The following HIVEP3 variants were observed in gnomAD, a reference collection of about 807,000 sequenced individuals.
The protein encoded by HIVEP3 is transcription factor HIVEP3.
HIVEP3 carries 49 observed loss-of-function variants against 152.8 expected under a neutral mutation model. That is an observed-to-expected ratio of 0.32 (90% CI 0.26 to 0.41). The LOEUF is 0.41. Among genes scored for constraint, HIVEP3 ranks in the 10% least tolerant of loss-of-function variants. The pLI is 1.00. For synonymous variants in HIVEP3, 1,269 were observed against 1,289.0 expected (o/e 0.98, Z 0.33); for missense variants, 2,790 against 3,103.3 (o/e 0.90, Z 2.40).
rs1448809292 is a variant in HIVEP3 at position 41,506,750 on chromosome 1, T to A, written c.*3701A>T. On this transcript the variant is annotated 3_prime_UTR_variant, in exon 9 of 9. Transcript: ENST00000372583. ...TTGCTGTACATATCTACAGTACAAT[T>A]TTTGGAATGTATTGCCATTTAAGAA... The A allele has an allele frequency of 6.6e-6, 1 of 152,146 alleles. No homozygotes were observed. The highest frequency in any genetic ancestry group is 2.4e-5 in the African/African-American group (1 of 41,426). The allele number at this position is 152,146 out of a possible 1,614,324, so 9.4% of individuals were successfully genotyped here.
At chr1:41,759,483 A>T (rs141906493) in intron 1 of HIVEP3, among the ~76,000 whole-genome samples, 187 of 152,306 alleles carry the variant, frequency 1.2e-3, no homozygotes, top group African/African-American at 4.2e-3. Context: ...TGATATTGTG[A>T]ATAGTGCAGA....
At chr1:41,599,191 T>A (rs1644710443) in intron 3 of HIVEP3, among the ~76,000 whole-genome samples, 1 of 152,200 alleles carries the variant, frequency 6.6e-6, no homozygotes, top group Admixed American at 6.5e-5. Context: ...GCGCTAAAGC[T>A]ATTGGATATC....
rs1644111839 is a variant in HIVEP3, at chr1:41,873,159, C to T, written c.-801+45254G>A. On this transcript the variant is annotated intron_variant, in intron 1 of 8. Transcript: ENST00000372583. The surrounding 1 kb of genome is among the most constrained non-coding windows in gnomAD (Gnocchi z 4.2). ...TGCTCAGGACTGCTCTAGCCAGATG[C>T]CTCCCCTGGTGTTTACTTCACCCAC... 6.6e-6 allele frequency among the ~76,000 whole-genome samples: 1 copy of T among 152,198 alleles called. No homozygotes were observed. The highest frequency in any genetic ancestry group is 2.1e-4 in the South Asian group (1 of 4,828).
intron 1 of HIVEP3, among the ~76,000 whole-genome samples, chr1:41,805,330 C>G (rs529359218): frequency 1.3e-5 from 2 of 152,324 alleles, no homozygotes; most frequent in East Asian, 3.9e-4. Flanking sequence ...GAGTAAGACT[C>G]CCTCTCAAGA....
chr1:41,654,244 C>T (rs1437599571), intron 2 of HIVEP3, among the ~76,000 whole-genome samples: 1 of 152,170 alleles, frequency 6.6e-6, no homozygotes, highest in Non-Finnish European at 1.5e-5. Flanking sequence ...CACGTGGGGG[C>T]AGTCCCTGGG....
At chr1:41,859,651 T>C (rs1308585254) in intron 1 of HIVEP3, among the ~76,000 whole-genome samples, 1 of 152,220 alleles carries the variant, frequency 6.6e-6, no homozygotes, top group Non-Finnish European at 1.5e-5. Context: ...TGCCAAATAG[T>C]CTTTAAGAAA....
intron 1 of HIVEP3, among the ~76,000 whole-genome samples, chr1:42,033,636 G>A (rs762384155): frequency 2.9e-4 from 44 of 152,246 alleles, no homozygotes; most frequent in Non-Finnish European, 5.4e-4. Flanking sequence ...TGAAAGGGAA[G>A]GAGATAAGGT....
chr1:42,005,485 T>G (rs1459237210), intron 1 of HIVEP3, among the ~76,000 whole-genome samples: 1 of 152,078 alleles, frequency 6.6e-6, no homozygotes, highest in African/African-American at 2.4e-5. Flanking sequence ...GTCAGGCAAA[T>G]TCCAGGATAA....
chr1:41,582,596 T>G lies in HIVEP3; in HGVS notation c.2202A>C (p.Lys734Asn). 6.2e-7 allele frequency: 1 copy of G among 1,612,654 alleles called. No individual in the cohort carries two copies. ...EEEPPAFEST[K>N]SQFGSPGPSD... ...ATGGCCCGGGGCTGCCAAACTGACT[T>G]TTTGTGGACTCAAAGGCAGGTGGCT... is the stretch of plus-strand genomic sequence containing the variant. The change falls in exon 4 of 9, where the codon AAA becomes AAC. Residue 734 changes from lysine to asparagine, a missense_variant. By Grantham distance (94) the Lys-to-Asn change is moderately conservative. Transcript: ENST00000372583. This position sits in a 1 kb window ranked among gnomAD's most constrained non-coding sequence, Gnocchi z 4.7.
chr1:41,900,579 C>T (rs1478734668), intron 1 of HIVEP3, among the ~76,000 whole-genome samples: 1 of 152,058 alleles, frequency 6.6e-6, no homozygotes, highest in Non-Finnish European at 1.5e-5. Context: ...CTTCCCTCTC[C>T]CCACTCCCTG....
At chr1:41,723,472 A>T (rs1646706136) in intron 1 of HIVEP3, among the ~76,000 whole-genome samples, 1 of 145,200 alleles carries the variant, frequency 6.9e-6, no homozygotes, top group African/African-American at 2.8e-5. Context: ...CCCATACCAT[A>T]AAATCATACA....
At chr1:41,657,533 G>C (rs902506522) in intron 2 of HIVEP3, among the ~76,000 whole-genome samples, 1 of 152,180 alleles carries the variant, frequency 6.6e-6, no homozygotes, top group Non-Finnish European at 1.5e-5. Flanking sequence ...TGCCCCCTTT[G>C]GGAGCAGCTG....
At chr1:41,621,850 T>A (rs1216011280) in intron 3 of HIVEP3, among the ~76,000 whole-genome samples, 1 of 152,140 alleles carries the variant, frequency 6.6e-6, no homozygotes, top group African/African-American at 2.4e-5. Flanking sequence ...TTCCCCAACT[T>A]GGAAAGACTT....
intron 1 of HIVEP3, among the ~76,000 whole-genome samples, chr1:41,951,127 T>C (rs1245948131): frequency 6.6e-6 from 1 of 152,208 alleles, no homozygotes; most frequent in Admixed American, 6.5e-5. Flanking sequence ...GTGAGACACA[T>C]TAAAGTCTTT....
chr1:41,945,626 G>T (rs1013980041), intron 1 of HIVEP3, among the ~76,000 whole-genome samples: 1 of 152,196 alleles, frequency 6.6e-6, no homozygotes, highest in Non-Finnish European at 1.5e-5. Flanking sequence ...CCAGCGGGCA[G>T]TTCCCAGTGT....
At chr1:41,837,874 C>CTT (rs1169229089) in intron 1 of HIVEP3, among the ~76,000 whole-genome samples, 1 of 152,198 alleles carries the variant, frequency 6.6e-6, no homozygotes, top group Non-Finnish European at 1.5e-5. Flanking sequence ...CTGGCCATCT[C>CTT]TGTCTCTCCC....
chr1:41,544,830 A>AC, intron 5 of HIVEP3, among the ~76,000 whole-genome samples: 1 of 83,460 alleles, frequency 1.2e-5, no homozygotes, highest in Non-Finnish European at 3.1e-5. Flanking sequence ...TACCACCACC[A>AC]TCACCACCAC....
chr1:41,716,453 C>T (rs1646595248), intron 1 of HIVEP3, among the ~76,000 whole-genome samples: 1 of 152,186 alleles, frequency 6.6e-6, no homozygotes, highest in African/African-American at 2.4e-5. Context: ...GGGCACCCAC[C>T]ATGTACAGAA....
intron 1 of HIVEP3, among the ~76,000 whole-genome samples, chr1:41,912,875 C>T (rs1050008144): frequency 2.0e-5 from 3 of 152,202 alleles, no homozygotes; most frequent in African/African-American, 7.2e-5. Flanking sequence ...GGGCTGCACA[C>T]ATGTGCAATT....
Sources: gnomAD v4.1 joint callset for allele counts (sites outside exome capture counted in the v4.1 genomes callset) on GRCh38, gnomAD v4.1.1 for gene constraint, Gnocchi (gnomAD v3.1) non-coding constraint, MANE v1.5 for transcripts, NCBI Gene and HGNC (gene_info 2026-07-23, HGNC 2026-07-21) for gene names.